TOMT: variants seen among roughly 807,000 people sequenced by gnomAD.
The protein encoded by TOMT is transmembrane O-methyltransferase.
A neutral mutation model predicts 21.7 loss-of-function variants in TOMT; 23 were observed. The observed-to-expected ratio is 1.06, with a 90% CI of 0.76 to 1.50. The LOEUF (loss-of-function observed/expected upper bound fraction) is 1.50, where lower values mean the gene tolerates loss of function less well. Ranked by LOEUF, TOMT falls within the 40% of genes most tolerant of loss-of-function variation. The pLI is 0.00. For missense variants in TOMT, 331 were observed against 348.7 expected, an observed-to-expected ratio of 0.95 and a Z score of 0.41; for synonymous variants, 132 against 150.8, an observed-to-expected ratio of 0.88 and a Z score of 0.91.
intron 2 of TOMT, 90 bp downstream of exon 2, chr11:72,108,209 G>A: frequency 8.4e-7 from 1 of 1,191,366 alleles, no homozygotes; most frequent in South Asian, 1.8e-5. Context: ...CTAAGGAGAA[G>A]GAAGCACCTC....
At chr11:72,106,240 A>T in intron 1 of TOMT, 30 bp downstream of exon 1, 1 of 1,447,212 alleles carries the variant, frequency 6.9e-7, no homozygotes, top group East Asian at 2.5e-5. Context: ...CTGCTCCAAG[A>T]AGTACCCCCA....
chr11:72,106,070 T>C, exon 1 of TOMT: 3 of 1,550,590 alleles, frequency 1.9e-6, no homozygotes, highest in Non-Finnish European at 2.6e-6. Flanking sequence ...CGAGACTGCC[T>C]GTCAGGGCTG....
chr11:72,108,571 C>T, intron 2 of TOMT, 34 bp from the exon 3 acceptor site: 1 of 1,435,080 alleles, frequency 7.0e-7, no homozygotes, highest in Non-Finnish European at 9.2e-7. Flanking sequence ...ACAATTCCCC[C>T]CACCCTCACC....
At chr11:72,107,348 A>C (rs1208135265) in intron 1 of TOMT, 11 of 632,128 alleles carry the variant, frequency 1.7e-5, no homozygotes, top group Non-Finnish European at 2.9e-5. Context: ...GAAACTACAA[A>C]TTCTAACAGA....
chr11:72,107,164 T>C, intron 1 of TOMT: 1 of 422,444 alleles, frequency 2.4e-6, no homozygotes, highest in Non-Finnish European at 4.1e-6. Flanking sequence ...CTACTGGAAA[T>C]GCTGAGGTGG....
intron 1 of TOMT, chr11:72,107,553 T>G (rs1945804339): frequency 2.8e-6 from 2 of 702,264 alleles, no homozygotes; most frequent in Non-Finnish European, 5.2e-6. Flanking sequence ...TGGGCACAGT[T>G]GTTTGGGATG....
downstream of TOMT, chr11:72,109,425 A>T: frequency 4.4e-6 from 2 of 451,722 alleles, no homozygotes; most frequent in Non-Finnish European, 8.8e-6. Flanking sequence ...AAAATGGCAC[A>T]GAACCCTGGA....
intron 1 of TOMT, 125 bp from the exon 2 acceptor site, chr11:72,107,798 A>G: frequency 7.8e-6 from 8 of 1,024,592 alleles, no homozygotes; most frequent in Non-Finnish European, 1.0e-5. Context: ...GCTATGGTAC[A>G]AGAGACAGAT....
Position 72,107,910 on chromosome 11 carries a change from T to C in TOMT, c.260-13T>C. ...TCTCCCATGTCTTCTGCAACAGCCA[T>C]CTCCCCTCATAGGTCAGATCCTGAT... On this transcript the variant is annotated splice_polypyrimidine_tract_variant and intron_variant, in intron 1 of 2. Coordinates refer to ENST00000541899, the Ensembl canonical transcript of TOMT. 1.9e-6 allele frequency: 3 copies of C among 1,551,586 alleles called. No individual in the cohort carries two copies. Among genetic ancestry groups the C allele is most frequent in the Non-Finnish European group, 1.7e-6 (2 of 1,146,934 alleles).
At chr11:72,109,487 T>G, downstream of TOMT, 2 of 384,534 alleles carry the variant, frequency 5.2e-6, no homozygotes, top group Non-Finnish European at 5.1e-6. Flanking sequence ...ACCTAGCCAA[T>G]TAGGTGTGGC....
At chr11:72,108,469 G>A in intron 2 of TOMT, 136 bp from the exon 3 acceptor site, 1 of 712,222 alleles carries the variant, frequency 1.4e-6, no homozygotes, top group Non-Finnish European at 2.2e-6. Context: ...CTTAGGTTCT[G>A]AGGTCAGAGG....
At chr11:72,107,986 A>G (rs1389667170) in exon 2 of TOMT, 2 of 1,551,688 alleles carry the variant, frequency 1.3e-6, no homozygotes, top group Non-Finnish European at 1.7e-6. Flanking sequence ...TTGGGAACCT[A>G]CTGTGGATAC....
exon 2 of TOMT, chr11:72,108,030 G>C: frequency 6.4e-7 from 1 of 1,551,518 alleles, no homozygotes; most frequent in Non-Finnish European, 8.7e-7. Context: ...CCTGCCCCCT[G>C]GGGGTCGCCT....
downstream of TOMT, chr11:72,109,449 A>G: frequency 2.4e-6 from 1 of 413,204 alleles, no homozygotes; most frequent in East Asian, 7.2e-5. Context: ...AGGGCCAGGG[A>G]TGCCCTGGCC....
chr11:72,109,501 T>G, downstream of TOMT: 1 of 386,270 alleles, frequency 2.6e-6, no homozygotes, highest in Non-Finnish European at 5.0e-6. Context: ...GTGTGGCTGA[T>G]GTCCCTTGAG....
chr11:72,106,995 G>A (rs1470074357), intron 1 of TOMT: 1 of 164,650 alleles, frequency 6.1e-6, no homozygotes, highest in Non-Finnish European at 1.3e-5. Flanking sequence ...GCTGGGCATG[G>A]TGGCTCATGC....
At position 72,108,851 on chromosome 11, in the gene TOMT, C is replaced by T. The variant is rs570166217; in HGVS notation, c.703C>T (p.His235Tyr). 1.1e-4 allele frequency: 172 copies of T among 1,550,730 alleles called. No individual in the cohort carries two copies. The highest frequency in any genetic ancestry group is 5.0e-4 in the Middle Eastern group (3 of 5,988). The change falls in exon 3 of 3, where the codon CAC (histidine) becomes TAC (tyrosine). Residue 235 changes from histidine to tyrosine, a missense_variant. His to Tyr is a moderately conservative substitution (Grantham distance 83). Coordinates refer to ENST00000541899, the Ensembl canonical transcript of TOMT. ...CTGTGGCCGCTACCGCTGCCGCCTC[C>T]ACCACACTGGCCTTCCAGACTTCCC...
intron 1 of TOMT, 31 bp downstream of exon 1, chr11:72,106,241 A>G: frequency 6.9e-7 from 1 of 1,447,956 alleles, no homozygotes. Flanking sequence ...TGCTCCAAGA[A>G]GTACCCCCAA....
At chr11:72,109,544 G>A, downstream of TOMT, 1 of 431,158 alleles carries the variant, frequency 2.3e-6, no homozygotes. Context: ...AGAAGATGCT[G>A]GACTCCTCTG....
Sources: gnomAD v4.1 joint callset for allele counts on GRCh38, gnomAD v4.1.1 for gene constraint, MANE v1.5 for transcripts, NCBI Gene and HGNC (gene_info 2026-07-23, HGNC 2026-07-21) for gene names.